GFOD1: variants seen among roughly 807,000 people sequenced by gnomAD.
GFOD1 encodes the protein Gfo/Idh/MocA-like oxidoreductase domain containing 1.
A neutral mutation model predicts 25.4 loss-of-function variants in GFOD1; 9 were observed. That is an observed-to-expected ratio of 0.35 (90% CI 0.21 to 0.62). GFOD1 has a LOEUF of 0.62. GFOD1 is among the 20% of genes least tolerant of loss of function. The pLI is 0.72. For synonymous variants in GFOD1, 253 were observed against 245.6 expected (o/e 1.03, Z -0.28); for missense variants, 403 against 556.9 (o/e 0.72, Z 2.78).
intron 1 of GFOD1, among the ~76,000 whole-genome samples, chr6:13,433,948 T>G (rs957527920): frequency 1.3e-5 from 2 of 152,208 alleles, no homozygotes; most frequent in Non-Finnish European, 2.9e-5. Flanking sequence ...ATTTTCATAG[T>G]CTTATTGTAA....
chr6:13,391,280 A>C (rs1337683536), intron 1 of GFOD1, among the ~76,000 whole-genome samples: 5 of 152,160 alleles, frequency 3.3e-5, no homozygotes, highest in African/African-American at 1.2e-4. Context: ...TACATTATTT[A>C]AGAAATTGGC....
chr6:13,380,186 A>G (rs548119), intron 1 of GFOD1, among the ~76,000 whole-genome samples: 64,804 of 152,172 alleles, frequency 0.43, 16,831 homozygotes, highest in East Asian at 0.67. Flanking sequence ...ATACAGACTC[A>G]AAAGCTACGT....
At chr6:13,481,167 G>A (rs2127579658) in intron 1 of GFOD1, among the ~76,000 whole-genome samples, 1 of 152,320 alleles carries the variant, frequency 6.6e-6, no homozygotes, top group Non-Finnish European at 1.5e-5. Context: ...GTGTTACCAG[G>A]AAGAGAAAGA....
chr6:13,421,306 G>A lies in GFOD1; in HGVS notation c.254-55644C>T, dbSNP rs189382564. On this transcript the variant is annotated intron_variant, in intron 1 of 1. Transcript: ENST00000379287. ...AGTTTGAGACCAGCCTGGGCAACAC[G>A]GCAAGACCCCATCTCTATAAAAAGT... is the stretch of plus-strand genomic sequence containing the variant. Among the ~76,000 whole-genome samples, 73 of 152,036 alleles carry A rather than the reference G, an allele frequency of 4.8e-4. No individual in the cohort carries two copies. In the East Asian group the frequency reaches 6.0e-3, roughly 12 times the overall value.
chr6:13,470,960 GA>G (rs149680774), intron 1 of GFOD1, among the ~76,000 whole-genome samples: 3 of 150,362 alleles, frequency 2.0e-5, no homozygotes, highest in African/African-American at 7.3e-5. Flanking sequence ...GGACTCGAAA[GA>G]AAAAAAAAGC....
At chr6:13,438,566 A>G (rs1047002206) in intron 1 of GFOD1, among the ~76,000 whole-genome samples, 2 of 152,152 alleles carry the variant, frequency 1.3e-5, no homozygotes, top group African/African-American at 4.8e-5. Flanking sequence ...TTAGTAATAT[A>G]TTAATATTAA....
At chr6:13,397,477 G>A (rs1785755899) in intron 1 of GFOD1, among the ~76,000 whole-genome samples, 1 of 152,178 alleles carries the variant, frequency 6.6e-6, no homozygotes, top group African/African-American at 2.4e-5. Context: ...TCACCTCCAG[G>A]CCCTCTGGCA....
chr6:13,383,526 A>C (rs952104876), intron 1 of GFOD1, among the ~76,000 whole-genome samples: 4 of 152,264 alleles, frequency 2.6e-5, no homozygotes, highest in African/African-American at 9.6e-5. Context: ...CTAGGAAAAA[A>C]TCAAGGTGTG....
At chr6:13,404,443 A>T (rs1245569279) in intron 1 of GFOD1, among the ~76,000 whole-genome samples, 1 of 152,214 alleles carries the variant, frequency 6.6e-6, no homozygotes, top group African/African-American at 2.4e-5. Flanking sequence ...AATCCTTTGG[A>T]TTAGAACTGT....
rs994902102 is a variant in GFOD1, at chr6:13,487,030, G to A, written c.-140C>T. Reference sequence around the variant, plus strand: ...CGCCAGCCGCCGTGCACCGGGCAAGGCGCCCGGGTGCCCAGAGCGCACCGA... The same window carrying A: ...CGCCAGCCGCCGTGCACCGGGCAAGACGCCCGGGTGCCCAGAGCGCACCGA... On this transcript the variant is annotated 5_prime_UTR_variant, in exon 1 of 2. Transcript: ENST00000379287. This position sits in a 1 kb window ranked among gnomAD's most constrained non-coding sequence, Gnocchi z 4.9. 5 of 1,041,370 alleles carry A rather than the reference G, an allele frequency of 4.8e-6. No individual in the cohort carries two copies. Among genetic ancestry groups the A allele is most frequent in the Non-Finnish European group, 6.8e-6 (5 of 736,022 alleles). The allele number at this position is 1,041,370 out of a possible 1,614,324, so 64.5% of individuals were successfully genotyped here.
intron 1 of GFOD1, among the ~76,000 whole-genome samples, chr6:13,396,594 A>T (rs1429006840): frequency 6.6e-6 from 1 of 152,188 alleles, no homozygotes; most frequent in African/African-American, 2.4e-5. Context: ...GAAGTTAAGG[A>T]TCATGAACTG....
chr6:13,466,926 A>G (rs1301365324), intron 1 of GFOD1, among the ~76,000 whole-genome samples: 1 of 150,914 alleles, frequency 6.6e-6, no homozygotes, highest in East Asian at 1.9e-4. Flanking sequence ...CCATGGGCAC[A>G]CACATACACA....
rs1391961691 is a variant in GFOD1, at chr6:13,362,208, AC to A, written c.*2534del. ...CTGGGTGTGGTGGCTCACGCCTGCA[AC>A]CCCAGCACTTTGCAAGGCCAAGGCA... On this transcript the variant is annotated 3_prime_UTR_variant, in exon 2 of 2. Transcript: ENST00000379287. 6.6e-6 allele frequency: 1 copy of A among 152,144 alleles called. No individual in the cohort carries two copies. The highest frequency in any genetic ancestry group is 3.2e-3 in the Middle Eastern group (1 of 316). 9.4% of individuals were successfully genotyped at this position (152,144 alleles called of 1,614,324 possible).
chr6:13,391,143 T>A (rs945764899), intron 1 of GFOD1, among the ~76,000 whole-genome samples: 1 of 152,214 alleles, frequency 6.6e-6, no homozygotes. Context: ...TGATTGGTTA[T>A]TTCACAGTGG....
At chr6:13,420,276 G>A (rs910291590) in intron 1 of GFOD1, among the ~76,000 whole-genome samples, 2 of 152,206 alleles carry the variant, frequency 1.3e-5, no homozygotes, top group South Asian at 4.1e-4. Flanking sequence ...CTGTTTTAGA[G>A]AGTGACAACC....
At position 13,406,139 on chromosome 6, in the gene GFOD1, A is replaced by G. The variant is rs1785940673; in HGVS notation, c.254-40477T>C. 2.0e-5 allele frequency among the ~76,000 whole-genome samples: 3 copies of G among 152,328 alleles called. No individual in the cohort carries two copies. In the South Asian group the frequency reaches 6.2e-4, roughly 32 times the overall value. ...GGTGGAGATGGGCAGGGGTGGAAAGAACCCACAAATGTTCTCGGAACAAGG... is the reference window on the plus strand; with the variant it reads ...GGTGGAGATGGGCAGGGGTGGAAAGGACCCACAAATGTTCTCGGAACAAGG... On this transcript the variant is annotated intron_variant, in intron 1 of 1. Transcript: ENST00000379287.
intron 1 of GFOD1, among the ~76,000 whole-genome samples, chr6:13,386,579 C>A (rs986996350): frequency 6.6e-6 from 1 of 152,174 alleles, no homozygotes; most frequent in Non-Finnish European, 1.5e-5. Flanking sequence ...ACACCAGCTG[C>A]CCACAAAGCT....
chr6:13,392,067 T>C (rs1489608532), intron 1 of GFOD1, among the ~76,000 whole-genome samples: 2 of 152,120 alleles, frequency 1.3e-5, no homozygotes, highest in South Asian at 4.1e-4. Flanking sequence ...GTTGCCACAC[T>C]AAGAGCTGCT....
At chr6:13,401,067 T>C (rs1785831493) in intron 1 of GFOD1, among the ~76,000 whole-genome samples, 1 of 152,214 alleles carries the variant, frequency 6.6e-6, no homozygotes. Flanking sequence ...TCAAATTCCT[T>C]TCTATAAAGT....
Sources: gnomAD v4.1 joint callset for allele counts (sites outside exome capture counted in the v4.1 genomes callset) on GRCh38, gnomAD v4.1.1 for gene constraint, Gnocchi (gnomAD v3.1) non-coding constraint, MANE v1.5 for transcripts, NCBI Gene and HGNC (gene_info 2026-07-23, HGNC 2026-07-21) for gene names.